The following NAIP variants were observed in gnomAD, a reference collection of about 807,000 sequenced individuals.
NAIP encodes the protein baculoviral IAP repeat-containing protein 1.
A neutral mutation model predicts 23.0 loss-of-function variants in NAIP; 15 were observed. The observed-to-expected ratio is 0.65, with a 90% CI of 0.44 to 1.00. The LOEUF (loss-of-function observed/expected upper bound fraction) is 1.00, where lower values mean the gene tolerates loss of function less well. Among genes scored for constraint, NAIP ranks in the 50% least tolerant of loss-of-function variants. NAIP has a pLI of 0.00. For missense variants in NAIP, 265 were observed against 278.8 expected, an observed-to-expected ratio of 0.95 and a Z score of 0.35; for synonymous variants, 100 against 100.2, an observed-to-expected ratio of 1.00 and a Z score of 0.01.
intron 2 of NAIP, among the ~76,000 whole-genome samples, chr5:71,022,510 A>AATC (rs1192208489): frequency 9.9e-4 from 6 of 6,058 alleles, no homozygotes; most frequent in African/African-American, 3.4e-3. Context: ...TTGGACATAA[A>AATC]ATCACCATTT....
At chr5:71,002,430 A>G (rs879230495) in intron 6 of NAIP, among the ~76,000 whole-genome samples, 22 of 95,176 alleles carry the variant, frequency 2.3e-4, no homozygotes, top group South Asian at 2.9e-4. Flanking sequence ...TTTTTTTGAG[A>G]CAGAGTCTCG....
intron 13 of NAIP, among the ~76,000 whole-genome samples, chr5:70,978,048 T>C (rs1339610025): frequency 3.8e-5 from 4 of 106,108 alleles, no homozygotes; most frequent in Non-Finnish European, 6.2e-5. Context: ...AAAACCTAAA[T>C]TTGTTGCAAA....
chr5:71,016,163 A>AT (rs1751437076), intron 3 of NAIP, among the ~76,000 whole-genome samples: 1 of 150,548 alleles, frequency 6.6e-6, no homozygotes, highest in Non-Finnish European at 1.5e-5. Flanking sequence ...GCATGGTGGC[A>AT]TGTGCCTGTA....
chr5:71,009,429 G>T (rs1751041829), intron 5 of NAIP, among the ~76,000 whole-genome samples: 1 of 150,844 alleles, frequency 6.6e-6, no homozygotes, highest in Non-Finnish European at 1.5e-5. Flanking sequence ...GGTGGCTCAT[G>T]CTTGTAATCC....
At chr5:71,011,176 C>T (rs558265653) in intron 5 of NAIP, 99 bp downstream of exon 5, 37 of 847,998 alleles carry the variant, frequency 4.4e-5, no homozygotes, top group Admixed American at 8.8e-5. Context: ...GAATTTGCAC[C>T]GAGCTGAAGT....
intron 6 of NAIP, among the ~76,000 whole-genome samples, chr5:71,002,401 CTTTTTTTTT>C (rs1157939944): frequency 8.9e-4 from 5 of 5,588 alleles, no homozygotes; most frequent in African/African-American, 3.9e-3. Flanking sequence ...TGTTGGAGGT[CTTTTTTTTT>C]TTTTTTTTTT....
intron 6 of NAIP, among the ~76,000 whole-genome samples, chr5:71,002,592 A>T (rs1195581218): frequency 5.6e-4 from 54 of 95,984 alleles, no homozygotes; most frequent in African/African-American, 3.6e-4. Flanking sequence ...TTTTTTTTGT[A>T]TTTTTAGTAG....
At chr5:71,017,787 C>T (rs1554059851) in intron 3 of NAIP, among the ~76,000 whole-genome samples, 2,882 of 74,180 alleles carry the variant, frequency 0.039, 91 homozygotes, top group East Asian at 0.14. Context: ...GTGATCCACC[C>T]GCCTCGGCCT....
intron 3 of NAIP, among the ~76,000 whole-genome samples, chr5:71,014,570 T>C (rs1751346644): frequency 6.6e-6 from 1 of 151,658 alleles, no homozygotes; most frequent in African/African-American, 2.4e-5. Context: ...AGCTGGATAT[T>C]TGGATTGAGA....
At chr5:71,002,575 A>ATTTT (rs762774660) in intron 6 of NAIP, among the ~76,000 whole-genome samples, 1 of 114,062 alleles carries the variant, frequency 8.8e-6, no homozygotes, top group African/African-American at 3.1e-5. Flanking sequence ...TGCCGGGCTA[A>ATTTT]TTTTTTTTTT....
rs1364023862 is a variant in NAIP at position 70,969,840 on chromosome 5, A to AG, written c.*263dup. Reference sequence around the variant, plus strand: ...GGGTTTGCTGTATAAACTTGATTGAAGGGTTTGCCTTTAGCTGGGGTGGAT... The same window carrying AG: ...GGGTTTGCTGTATAAACTTGATTGAAGGGGTTTGCCTTTAGCTGGGGTGGAT... On this transcript the variant is annotated 3_prime_UTR_variant, in exon 17 of 17. Coordinates refer to ENST00000517649, the MANE Select transcript of NAIP (RefSeq NM_004536.3). The AG allele has an allele frequency of 1.2e-5, 7 of 583,732 alleles. No homozygotes were observed. The highest frequency in any genetic ancestry group is 2.1e-5 in the Non-Finnish European group (7 of 330,126). 36.2% of individuals were successfully genotyped at this position (583,732 alleles called of 1,614,324 possible).
chr5:71,015,590 A>G (rs1751398725), intron 3 of NAIP, among the ~76,000 whole-genome samples: 1 of 127,192 alleles, frequency 7.9e-6, no homozygotes, highest in Non-Finnish European at 1.7e-5. Context: ...GCAAAACCCC[A>G]TCTCTACTAA....
In NAIP at chr5:71,012,704, T is replaced by C; in HGVS notation, c.212A>G (p.Glu71Gly). ...AKRLKTFVTY[E>G]PYSSWIPQEM... The stretch of plus-strand genomic sequence containing the variant: ...CTGTGGTATCCATGAGCTGTACGGC[T>C]CATAAGTCACAAAAGTCTTTAACCT... The change falls in exon 4 of 17, where the codon GAG becomes GGG. Residue 71 changes from glutamate (E) to glycine (G), a missense_variant. This residue lies in a region of NAIP where 261 missense variants were observed against 259.2 expected (regional missense o/e 1.01). Coordinates refer to ENST00000517649, the MANE Select transcript of NAIP (RefSeq NM_004536.3). 1 of 1,611,822 alleles carries C rather than the reference T, an allele frequency of 6.2e-7. No individual in the cohort carries two copies. The highest frequency in any genetic ancestry group is 8.5e-7 in the Non-Finnish European group (1 of 1,178,432).
intron 5 of NAIP, among the ~76,000 whole-genome samples, chr5:71,008,748 G>A (rs1454788281): frequency 1.3e-5 from 1 of 76,952 alleles, no homozygotes; most frequent in Non-Finnish European, 2.2e-5. Flanking sequence ...AGGTTGCAGT[G>A]AGCCAAGATT....
intron 5 of NAIP, among the ~76,000 whole-genome samples, chr5:71,007,973 A>G (rs1348428488): frequency 7.4e-6 from 1 of 135,622 alleles, no homozygotes; most frequent in Non-Finnish European, 1.6e-5. Context: ...AGGAGAGTTC[A>G]TCACTTGAAT....
At chr5:71,011,631 T>G in intron 4 of NAIP, 1 of 532,724 alleles carries the variant, frequency 1.9e-6, no homozygotes, top group Non-Finnish European at 3.4e-6. Context: ...TATGTTGCTC[T>G]TTGAGTTCTC....
rs1023754148 is a variant in NAIP, at chr5:71,012,472, C to T, written c.444G>A (p.Arg148=). 18 of 1,611,604 alleles carry T rather than the reference C, an allele frequency of 1.1e-5. 1 individual carries two copies. The highest frequency in any genetic ancestry group is 1.5e-5 in the Non-Finnish European group (18 of 1,178,468). ...GGTACCTCATTTTACCTCCTCTCAG[C>T]CTGCTCTTCAGATTCTTCACCCTTA... is the stretch of plus-strand genomic sequence containing the variant. ...YDIRVKNLKS[R]LRGGKMRYQE... Residue 148 remains arginine (R), a synonymous_variant, in exon 4 of 17, where the codon AGG becomes AGA. Transcript: ENST00000517649.
At chr5:71,008,985 T>C (rs1459939970) in intron 5 of NAIP, among the ~76,000 whole-genome samples, 1 of 130,186 alleles carries the variant, frequency 7.7e-6, no homozygotes, top group African/African-American at 3.0e-5. Context: ...ACATGGCTTC[T>C]TTAACAAATA....
At chr5:70,977,731 G>A (rs1210380221) in intron 13 of NAIP, among the ~76,000 whole-genome samples, 43 of 134,790 alleles carry the variant, frequency 3.2e-4, no homozygotes, top group Middle Eastern at 4.4e-3. Context: ...AGTGGCTCAC[G>A]CCTGTAATCC....
Sources: gnomAD v4.1 joint callset for allele counts (sites outside exome capture counted in the v4.1 genomes callset) on GRCh38, gnomAD v4.1.1 for gene constraint, gnomAD v4.1.1 regional missense constraint, MANE v1.5 for transcripts, NCBI Gene and HGNC (gene_info 2026-07-23, HGNC 2026-07-21) for gene names.